Variants in OR6K6 observed in about 807,000 individuals in gnomAD.
OR6K6 encodes the protein olfactory receptor 6K6.
Under a neutral mutation model 8.1 loss-of-function variants are expected in OR6K6, and 9 were observed. The ratio of observed to expected loss-of-function variants is 1.11; its 90% CI spans 0.67 to 1.94. The LOEUF (loss-of-function observed/expected upper bound fraction) is 1.94, where lower values mean the gene tolerates loss of function less well. Among genes scored for constraint, OR6K6 ranks in the 30% most tolerant of loss-of-function variants. The pLI, the probability that OR6K6 is intolerant of heterozygous loss-of-function variation, is 0.00. For synonymous variants in OR6K6, 156 were observed against 140.3 expected, an observed-to-expected ratio of 1.11 and a Z score of -0.79; for missense variants, 400 against 383.1, an observed-to-expected ratio of 1.04 and a Z score of -0.37.
At chr1:158,755,234 G>C (rs369993626) in exon 1 of OR6K6, 1 of 1,614,062 alleles carries the variant, frequency 6.2e-7, no homozygotes, top group Admixed American at 1.7e-5. Flanking sequence ...ATCACAGAAA[G>C]CTGTGTCCTG....
chr1:158,754,851 T>A (rs199929431), exon 1 of OR6K6: 3 of 1,612,722 alleles, frequency 1.9e-6, no homozygotes, highest in Non-Finnish European at 2.5e-6. Context: ...AACATTCCAA[T>A]TATAGGAGTC....
exon 1 of OR6K6, chr1:158,755,510 C>T (rs748052509): frequency 9.3e-6 from 15 of 1,614,122 alleles, no homozygotes; most frequent in Admixed American, 3.3e-5. Flanking sequence ...ATCCATGCAG[C>T]GGAAATTGTA....
chr1:158,754,928 C>A (rs760056947), exon 1 of OR6K6: 1 of 1,614,158 alleles, frequency 6.2e-7, no homozygotes, highest in South Asian at 1.1e-5. Flanking sequence ...ACAATGGTGA[C>A]TGAGTTCCTC....
exon 1 of OR6K6, chr1:158,755,207 T>G: frequency 1.2e-5 from 20 of 1,614,084 alleles, no homozygotes; most frequent in Non-Finnish European, 1.6e-5. Flanking sequence ...CAGATGTACT[T>G]TTTCCACTCA....
chr1:158,755,418 G>C, exon 1 of OR6K6: 1 of 1,614,192 alleles, frequency 6.2e-7, no homozygotes, highest in Non-Finnish European at 8.5e-7. Context: ...GCTCCAACCA[G>C]ATCCACCAGA....
At chr1:158,755,435 G>C (rs954502249) in exon 1 of OR6K6, 1 of 1,614,182 alleles carries the variant, frequency 6.2e-7, no homozygotes, top group Non-Finnish European at 8.5e-7. Flanking sequence ...CAGATATTCT[G>C]TGATTTCACA....
At chr1:158,755,397 G>A in exon 1 of OR6K6, 2 of 1,614,120 alleles carry the variant, frequency 1.2e-6, no homozygotes, top group Non-Finnish European at 1.7e-6. Context: ...TTTCCACCTT[G>A]CCTTTCTGTG....
chr1:158,754,980 C>A, exon 1 of OR6K6: 1 of 1,614,174 alleles, frequency 6.2e-7, no homozygotes, highest in Non-Finnish European at 8.5e-7. Flanking sequence ...GCCTCTTATT[C>A]TTTATTCCCT....
exon 1 of OR6K6, chr1:158,755,465 G>A: frequency 2.5e-6 from 4 of 1,614,172 alleles, no homozygotes; most frequent in Non-Finnish European, 3.4e-6. Flanking sequence ...AGCTTGGCCT[G>A]CACAGATACA....
chr1:158,755,665 G>C (rs1656975510), exon 1 of OR6K6: 3 of 1,614,206 alleles, frequency 1.9e-6, no homozygotes, highest in Non-Finnish European at 8.5e-7. Context: ...CAGTGTGGCT[G>C]TCATGTATTT....
At chr1:158,755,141 T>C in exon 1 of OR6K6, 3 of 1,614,124 alleles carry the variant, frequency 1.9e-6, no homozygotes. Context: ...ATCCCCAAGA[T>C]GCTGTCCTGC....
At chr1:158,755,617 T>G (rs1362419324) in exon 1 of OR6K6, 1 of 1,614,238 alleles carries the variant, frequency 6.2e-7, no homozygotes, top group East Asian at 2.2e-5. Context: ...CTTTTCCACC[T>G]GTGCTGCTCA....
At chr1:158,754,932 G>T (rs16840974) in exon 1 of OR6K6, 1 of 1,614,086 alleles carries the variant, frequency 6.2e-7, no homozygotes, top group Non-Finnish European at 8.5e-7. Context: ...TGGTGACTGA[G>T]TTCCTCTTCT....
rs148092938 is a variant in OR6K6 at position 158,754,860 on chromosome 1, T to A, written c.-28T>A. On this transcript the variant is annotated 5_prime_UTR_variant, in exon 1 of 1. Coordinates refer to ENST00000641861, the Ensembl canonical transcript of OR6K6. ...GTAATCAACATTCCAATTATAGGAG[T>A]CTCTTGTTTCCTTTTCTGTGTTCAC... The A allele has an allele frequency of 1.6e-3, 2,523 of 1,612,370 alleles. 5 individuals are homozygous for A. The highest frequency in any genetic ancestry group is 5.8e-3 in the Middle Eastern group (35 of 6,058).
At chr1:158,755,779 A>G in exon 1 of OR6K6, 2 of 1,613,986 alleles carry the variant, frequency 1.2e-6, no homozygotes, top group Non-Finnish European at 1.7e-6. Flanking sequence ...CCTGAAAAAC[A>G]AGGACATGAA....
exon 1 of OR6K6, chr1:158,755,813 A>T (rs771479818): frequency 6.2e-7 from 1 of 1,612,104 alleles, no homozygotes; most frequent in Non-Finnish European, 8.5e-7. Context: ...AGGCTTTTCC[A>T]CTATCAGAAG....
exon 1 of OR6K6, chr1:158,755,777 A>G: frequency 1.2e-6 from 2 of 1,614,048 alleles, no homozygotes; most frequent in Non-Finnish European, 1.7e-6. Context: ...AGCCTGAAAA[A>G]CAAGGACATG....
At chr1:158,754,857 G>A (rs41273539) in exon 1 of OR6K6, 61 of 1,613,058 alleles carry the variant, frequency 3.8e-5, no homozygotes, top group Non-Finnish European at 5.1e-5. Flanking sequence ...CCAATTATAG[G>A]AGTCTCTTGT....
exon 1 of OR6K6, chr1:158,755,450 T>G: frequency 6.2e-7 from 1 of 1,614,214 alleles, no homozygotes; most frequent in Non-Finnish European, 8.5e-7. Context: ...TTCACACCTG[T>G]GCTGAGCTTG....
Sources: gnomAD v4.1 joint callset for allele counts on GRCh38, gnomAD v4.1.1 for gene constraint, MANE v1.5 for transcripts, NCBI Gene and HGNC (gene_info 2026-07-23, HGNC 2026-07-21) for gene names.